Variants in SMG7 observed in about 807,000 individuals in gnomAD.
The protein encoded by SMG7 is SMG7 nonsense mediated mRNA decay factor.
Under a neutral mutation model 148.2 loss-of-function variants are expected in SMG7, and 34 were observed. The ratio of observed to expected loss-of-function variants is 0.23; its 90% CI spans 0.17 to 0.31. The LOEUF (loss-of-function observed/expected upper bound fraction) is 0.31. Ranked by LOEUF, SMG7 falls within the 10% of genes least tolerant of loss-of-function variation. The probability of loss-of-function intolerance (pLI) is 1.00; values close to 1 mark genes in which losing one functional copy is unlikely to be tolerated. For missense variants in SMG7, 1,114 were observed against 1,408.4 expected, an observed-to-expected ratio of 0.79 and a Z score of 3.35; for synonymous variants, 492 against 515.1, an observed-to-expected ratio of 0.96 and a Z score of 0.61.
At position 183,552,446 on chromosome 1, in the gene SMG7, G is replaced by A; in HGVS notation, c.*515G>A. ...ATCACACTGAATTCTTCCATACACA[G>A]GTGTGCTTCTAGTCAGTGTGTAGCA... On this transcript the variant is annotated 3_prime_UTR_variant, in exon 23 of 23. Transcript: ENST00000688051. The A allele has an allele frequency of 1.0e-6, 1 of 992,606 alleles. No homozygotes were observed. Among genetic ancestry groups the A allele is most frequent in the South Asian group, 4.6e-5 (1 of 21,854 alleles). 61.5% of individuals were successfully genotyped at this position (992,606 alleles called of 1,614,324 possible).
chr1:183,505,386 A>C (rs1660678583), intron 1 of SMG7, among the ~76,000 whole-genome samples: 1 of 150,448 alleles, frequency 6.6e-6, no homozygotes, highest in African/African-American at 2.4e-5. Context: ...TATTTTCTAT[A>C]CTCCACTCTT....
chr1:183,546,036 T>C lies in SMG7; in HGVS notation c.2441T>C (p.Met814Thr), dbSNP rs759118643. 4 of 1,614,068 alleles carry C rather than the reference T, an allele frequency of 2.5e-6. No homozygotes were observed. Among genetic ancestry groups the C allele is most frequent in the South Asian group, 2.2e-5 (2 of 91,074 alleles). ...GTTCAAGGCCCATTAGGGAAAATTA[T>C]GCCTGTGAAACAGCCCTACTACCTT... ...PQVQGPLGKI[M>T]PVKQPYYLQT... Residue 814 changes from methionine (M) to threonine (T), a missense_variant, in exon 17 of 23, where the codon ATG becomes ACG. Physicochemically the swap from Met to Thr is moderately conservative, Grantham distance 81. Around this residue, in one of 4 missense-constraint regions of SMG7, gnomAD observed 788 missense variants for 894.5 expected, o/e 0.88. Coordinates refer to ENST00000688051, the MANE Select transcript of SMG7 (RefSeq NM_001375584.1).
intron 4 of SMG7, among the ~76,000 whole-genome samples, chr1:183,518,396 G>A (rs1664056416): frequency 6.6e-6 from 1 of 152,228 alleles, no homozygotes; most frequent in Non-Finnish European, 1.5e-5. Context: ...AACAGTGGAA[G>A]TAGTCAGTTA....
intron 1 of SMG7, among the ~76,000 whole-genome samples, chr1:183,492,776 A>T (rs2102224699): frequency 6.6e-6 from 1 of 151,766 alleles, no homozygotes; most frequent in Middle Eastern, 3.4e-3. Flanking sequence ...AGCTTCTTAG[A>T]TGCTTAGGTA....
intron 10 of SMG7, among the ~76,000 whole-genome samples, chr1:183,536,420 T>C (rs533217339): frequency 1.1e-4 from 17 of 152,224 alleles, no homozygotes; most frequent in Non-Finnish European, 2.5e-4. Context: ...GCTCTTATGT[T>C]TGAAAGATAA....
At chr1:183,541,126 A>C (rs769334740) in intron 13 of SMG7, 23 bp downstream of exon 13, 1 of 1,608,428 alleles carries the variant, frequency 6.2e-7, no homozygotes, top group Non-Finnish European at 8.5e-7. Context: ...CTTCTGGTCT[A>C]CCCCTTTTTA....
At position 183,478,367 on chromosome 1, in the gene SMG7, C is replaced by T. The variant is rs187771616; in HGVS notation, c.29+5718C>T. Among the ~76,000 whole-genome samples, 4 of 152,236 alleles carry T rather than the reference C, an allele frequency of 2.6e-5. No individual in the cohort carries two copies. In the East Asian group the frequency reaches 7.7e-4, roughly 29 times the overall value. ...GTGGTGACATTTTTTGAATGAATGA[C>T]TGTCTCTTTAGGCTTATAAGTCTTT... On this transcript the variant is annotated intron_variant, in intron 1 of 22. Transcript: ENST00000688051.
intron 1 of SMG7, among the ~76,000 whole-genome samples, chr1:183,485,205 A>T (rs550932935): frequency 6.6e-6 from 1 of 152,322 alleles, no homozygotes; most frequent in African/African-American, 2.4e-5. Flanking sequence ...GGCTGATTCT[A>T]TCTGTATCTG....
At chr1:183,533,429 ATTTCT>A in intron 9 of SMG7, 103 bp downstream of exon 9, 1 of 1,243,016 alleles carries the variant, frequency 8.0e-7, no homozygotes, top group Non-Finnish European at 1.1e-6. Flanking sequence ...AGCATAGTGT[ATTTCT>A]TACACTGAAT....
chr1:183,535,205 G>A (rs1259289705), intron 10 of SMG7, among the ~76,000 whole-genome samples: 1 of 152,130 alleles, frequency 6.6e-6, no homozygotes, highest in Non-Finnish European at 1.5e-5. Flanking sequence ...TTTATGGGTA[G>A]GAATTGTTAT....
chr1:183,547,169 G>A lies in SMG7; in HGVS notation c.2809G>A (p.Glu937Lys), dbSNP rs1670070448. 3 of 1,550,480 alleles carry A rather than the reference G, an allele frequency of 1.9e-6. No homozygotes were observed. The highest frequency in any genetic ancestry group is 2.6e-6 in the Non-Finnish European group (3 of 1,146,920). Reference protein sequence around the residue: ...LKSLAALEEEEELIFSNPPDL... With the variant: ...LKSLAALEEEKELIFSNPPDL... ...GAGTCTGGCTGCCTTGGAGGAAGAG[G>A]AAGAGCTGATTTTTTCTAACCCTCC... Residue 937 changes from glutamate to lysine, a missense_variant, in exon 18 of 23, where the codon GAA (glutamate) becomes AAA (lysine). Physicochemically the swap from Glu to Lys is moderately conservative, Grantham distance 56 (BLOSUM62 1). Transcript: ENST00000688051.
intron 1 of SMG7, among the ~76,000 whole-genome samples, chr1:183,482,614 A>T (rs1400685665): frequency 6.6e-6 from 1 of 152,104 alleles, no homozygotes; most frequent in African/African-American, 2.4e-5. Flanking sequence ...ATTTTGAGAG[A>T]GTGAGAGACC....
chr1:183,550,603 C>T, intron 20 of SMG7, 148 bp from the exon 21 acceptor site: 1 of 751,158 alleles, frequency 1.3e-6, no homozygotes, highest in South Asian at 2.0e-5. Context: ...TCTAGCAGAT[C>T]TCTTTGGAGC....
rs1450773473 is a variant in SMG7 at position 183,551,868 on chromosome 1, G to C, written c.3501G>C (p.Gln1167His). 2 of 1,613,732 alleles carry C rather than the reference G, an allele frequency of 1.2e-6. No homozygotes were observed. The highest frequency in any genetic ancestry group is 1.7e-6 in the Non-Finnish European group (2 of 1,179,868). Residue 1167 changes from glutamine to histidine, a missense_variant, in exon 23 of 23, where the codon CAG becomes CAC. By Grantham distance (24) the Gln-to-His change is conservative (BLOSUM62 0). Coordinates refer to ENST00000688051, the MANE Select transcript of SMG7 (RefSeq NM_001375584.1). The part of the protein sequence containing the change: ...MMHPGPSALE[Q>H]LLMQQKQKQQ... Reference sequence around the variant, plus strand: ...ATCCTGGACCTTCTGCTCTGGAGCAGCTGTTAATGCAGCAGAAGCAGAAAC... The same window carrying C: ...ATCCTGGACCTTCTGCTCTGGAGCACCTGTTAATGCAGCAGAAGCAGAAAC...
intron 18 of SMG7, among the ~76,000 whole-genome samples, chr1:183,548,013 A>G (rs1334024132): frequency 6.6e-6 from 1 of 152,238 alleles, no homozygotes; most frequent in Non-Finnish European, 1.5e-5. Context: ...ACACCTTAAT[A>G]AAACATAAAA....
chr1:183,513,768 G>C lies in SMG7; in HGVS notation c.61+900G>C, dbSNP rs542858425. Reference sequence around the variant, plus strand: ...AATGAGGCATGGTGCGGTGGCTCACGCCTGTAATCCCAGCACTTTTGGAAG... The same window carrying C: ...AATGAGGCATGGTGCGGTGGCTCACCCCTGTAATCCCAGCACTTTTGGAAG... On this transcript the variant is annotated intron_variant, in intron 2 of 22. Coordinates refer to ENST00000688051, the MANE Select transcript of SMG7 (RefSeq NM_001375584.1). Among the ~76,000 whole-genome samples, 459 of 152,090 alleles carry C rather than the reference G, an allele frequency of 3.0e-3. 2 individuals carry two copies. Among genetic ancestry groups the C allele is most frequent in the African/African-American group, 0.011 (444 of 41,502 alleles).
chr1:183,539,146 C>T (rs1205188085), intron 12 of SMG7, among the ~76,000 whole-genome samples: 5 of 151,580 alleles, frequency 3.3e-5, no homozygotes, highest in Non-Finnish European at 7.4e-5. Flanking sequence ...AGTGAGACTC[C>T]GTCTCAAAAA....
chr1:183,539,627 C>T (rs1668441318), intron 12 of SMG7, among the ~76,000 whole-genome samples: 1 of 152,182 alleles, frequency 6.6e-6, no homozygotes, highest in Non-Finnish European at 1.5e-5. Context: ...TTATATTTTC[C>T]GATTTGGTCA....
At chr1:183,505,593 T>C (rs1246821502) in intron 1 of SMG7, among the ~76,000 whole-genome samples, 1 of 152,262 alleles carries the variant, frequency 6.6e-6, no homozygotes, top group Non-Finnish European at 1.5e-5. Flanking sequence ...AAGTCTCCCC[T>C]GTGCTTGATA....
Sources: gnomAD v4.1 joint callset for allele counts (sites outside exome capture counted in the v4.1 genomes callset) on GRCh38, gnomAD v4.1.1 for gene constraint, gnomAD v4.1.1 regional missense constraint, MANE v1.5 for transcripts, NCBI Gene and HGNC (gene_info 2026-07-23, HGNC 2026-07-21) for gene names.